Variants in COLGALT2 observed in about 807,000 individuals in gnomAD.
The protein encoded by COLGALT2 is collagen beta(1-O)galactosyltransferase 2.
A neutral mutation model predicts 73.4 loss-of-function variants in COLGALT2; 49 were observed. That is an observed-to-expected ratio of 0.67 (90% CI 0.53 to 0.85). The LOEUF is 0.85. Ranked by LOEUF, COLGALT2 falls within the 40% of genes least tolerant of loss-of-function variation. The pLI, the probability that COLGALT2 is intolerant of heterozygous loss-of-function variation, is 0.00. For synonymous variants in COLGALT2, 295 were observed against 307.6 expected, an observed-to-expected ratio of 0.96 and a Z score of 0.43; for missense variants, 722 against 790.2, an observed-to-expected ratio of 0.91 and a Z score of 1.03.
Position 184,021,758 on chromosome 1 carries a change from G to T in COLGALT2, c.263+15337C>A, listed in dbSNP as rs559552833. On this transcript the variant is annotated intron_variant, in intron 1 of 11. Coordinates refer to ENST00000361927, the MANE Select transcript of COLGALT2 (RefSeq NM_015101.4). ...ACTATGTATTTAATAACAAGTTACT[G>T]GTTTTGTTTTACTATCTATTTAGTT... is the stretch of plus-strand genomic sequence containing the variant. Among the ~76,000 whole-genome samples, 3 of 152,292 alleles carry T rather than the reference G, an allele frequency of 2.0e-5. No homozygotes were observed. In the South Asian group the frequency reaches 6.2e-4, roughly 32 times the overall value.
rs1006513124 is a variant in COLGALT2 at position 183,936,016 on chromosome 1, T to G, written c.*2745A>C. The G allele has an allele frequency of 8.1e-6, 8 of 985,328 alleles. No individual in the cohort carries two copies. In the South Asian group the frequency reaches 1.9e-4, roughly 23 times the overall value. The allele number at this position is 985,328 out of a possible 1,614,324, so 61.0% of individuals were successfully genotyped here. ...CCGCAAGCGGGGCCCATGCAGCGTG[T>G]CCTCTGCAAAGTGCAGGTGTTCAGT... On this transcript the variant is annotated 3_prime_UTR_variant, in exon 12 of 12. Coordinates refer to ENST00000361927, the MANE Select transcript of COLGALT2 (RefSeq NM_015101.4).
At position 183,978,468 on chromosome 1, in the gene COLGALT2, A is replaced by G. The variant is rs780791595; in HGVS notation, c.316T>C (p.Leu106=). Residue 106 remains leucine (L), a synonymous_variant, in exon 2 of 12, where the codon TTG becomes CTG. Transcript: ENST00000361927. ...DNTTEIFREW[L]KNVQRLYHYV... ...TGATAGAGTCTCTGTACATTTTTCA[A>G]CCACTCCCTGAATATTTCTGTTGTA... The G allele has an allele frequency of 6.8e-6, 11 of 1,612,916 alleles. No individual in the cohort carries two copies. In the South Asian group the frequency reaches 8.8e-5, roughly 13 times the overall value.
At chr1:183,972,252 T>G (rs1158622396) in intron 4 of COLGALT2, among the ~76,000 whole-genome samples, 2 of 152,170 alleles carry the variant, frequency 1.3e-5, no homozygotes, top group African/African-American at 2.4e-5. Flanking sequence ...ACTATAGGTG[T>G]GCACGACACC....
intron 4 of COLGALT2, among the ~76,000 whole-genome samples, chr1:183,970,546 A>G (rs776123381): frequency 6.6e-6 from 1 of 152,194 alleles, no homozygotes; most frequent in African/African-American, 2.4e-5. Context: ...AGAGTGTCCT[A>G]GCTGAGCTAA....
chr1:184,029,217 T>G (rs1348654876), intron 1 of COLGALT2, among the ~76,000 whole-genome samples: 2 of 152,260 alleles, frequency 1.3e-5, no homozygotes, highest in Admixed American at 1.3e-4. Context: ...GACTTTTCAA[T>G]TATTACCTAT....
At position 183,944,315 on chromosome 1, in the gene COLGALT2, A is replaced by T. The variant is rs539879163; in HGVS notation, c.1278T>A (p.Asp426Glu). 33 of 1,612,444 alleles carry T rather than the reference A, an allele frequency of 2.0e-5. No homozygotes were observed. In the South Asian group the frequency reaches 2.3e-4, roughly 11 times the overall value. The part of the protein sequence containing the change: ...SHYSVWKEVI[D>E]RELEKTLVIE... Reference sequence around the variant, plus strand: ...TTACAAGAGTCTTCTCTAGCTCTCGATCAATTACCTGCAAAAGTCATCAGT... The same window carrying T: ...TTACAAGAGTCTTCTCTAGCTCTCGTTCAATTACCTGCAAAAGTCATCAGT... The change falls in exon 10 of 12, where the codon GAT becomes GAA. Residue 426 changes from aspartate to glutamate, a missense_variant. Coordinates refer to ENST00000361927, the MANE Select transcript of COLGALT2 (RefSeq NM_015101.4).
intron 7 of COLGALT2, 49 bp from the exon 8 acceptor site, chr1:183,951,162 C>G (rs760276934): frequency 3.0e-6 from 4 of 1,336,458 alleles, no homozygotes; most frequent in Non-Finnish European, 3.2e-6. Flanking sequence ...CTCAAGTCTT[C>G]TTTTAGGCTG....
intron 8 of COLGALT2, among the ~76,000 whole-genome samples, chr1:183,949,133 TATTGTTAACAC>T (rs1393883585): frequency 6.6e-6 from 1 of 152,214 alleles, no homozygotes; most frequent in East Asian, 1.9e-4. Flanking sequence ...GAAGACTTCA[TATTGTTAACAC>T]GGAAATATTC....
intron 1 of COLGALT2, among the ~76,000 whole-genome samples, chr1:184,026,115 T>G (rs1015614976): frequency 1.3e-5 from 2 of 152,226 alleles, no homozygotes; most frequent in African/African-American, 4.8e-5. Flanking sequence ...CAGCCTAGCA[T>G]GAGCAATGCT....
chr1:183,989,342 A>G (rs1238937512), intron 1 of COLGALT2, among the ~76,000 whole-genome samples: 4 of 152,244 alleles, frequency 2.6e-5, no homozygotes, highest in African/African-American at 9.6e-5. Context: ...GGTGCCTGGC[A>G]GGGCAATGCT....
intron 2 of COLGALT2, among the ~76,000 whole-genome samples, chr1:183,976,120 T>TC (rs1411082595): frequency 6.6e-6 from 1 of 152,160 alleles, no homozygotes; most frequent in African/African-American, 2.4e-5. Flanking sequence ...TAATATTTTT[T>TC]CACACTGACC....
At position 184,037,261 on chromosome 1, in the gene COLGALT2, G is replaced by C; in HGVS notation, c.97C>G (p.Arg33Gly). 11 of 1,567,358 alleles carry C rather than the reference G, an allele frequency of 7.0e-6. No individual in the cohort carries two copies. The highest frequency in any genetic ancestry group is 9.5e-6 in the Non-Finnish European group (11 of 1,158,640). Residue 33 changes from arginine to glycine, a missense_variant, in exon 1 of 12, where the codon CGG becomes GGG. Coordinates refer to ENST00000361927, the MANE Select transcript of COLGALT2 (RefSeq NM_015101.4). Reference protein sequence around the residue: ...EGCRARFVAERDSEDDGEEPV... With the variant: ...EGCRARFVAEGDSEDDGEEPV... ...TCCTCTCCGTCGTCCTCCGAGTCCC[G>C]CTCGGCGACGAAGCGCGCTCGGCAG...
chr1:183,998,825 T>C (rs1282225274), intron 1 of COLGALT2, among the ~76,000 whole-genome samples: 1 of 152,090 alleles, frequency 6.6e-6, no homozygotes, highest in Non-Finnish European at 1.5e-5. Context: ...GTTTCTACTA[T>C]AAATAATATT....
At chr1:183,942,826 G>A (rs1053403518) in intron 10 of COLGALT2, among the ~76,000 whole-genome samples, 1 of 152,152 alleles carries the variant, frequency 6.6e-6, no homozygotes, top group African/African-American at 2.4e-5. Flanking sequence ...CTTCCTTCTT[G>A]CATCTGTCGG....
intron 6 of COLGALT2, among the ~76,000 whole-genome samples, chr1:183,955,530 TG>T (rs1670529498): frequency 6.6e-6 from 1 of 152,118 alleles, no homozygotes; most frequent in Non-Finnish European, 1.5e-5. Context: ...AGATTCCAGC[TG>T]GGAGTGACAC....
At chr1:184,023,719 A>G (rs1013526071) in intron 1 of COLGALT2, among the ~76,000 whole-genome samples, 3 of 152,118 alleles carry the variant, frequency 2.0e-5, no homozygotes, top group Non-Finnish European at 4.4e-5. Flanking sequence ...ATAAAATTAA[A>G]TCTAACCAAA....
chr1:183,969,179 G>GGT, intron 5 of COLGALT2, 90 bp downstream of exon 5: 4 of 1,029,562 alleles, frequency 3.9e-6, no homozygotes, highest in East Asian at 5.8e-5. Context: ...ACATATGAGG[G>GGT]TTTTTTTTTT....
In COLGALT2 at chr1:184,037,086, C is replaced by G. The variant is rs760901980; in HGVS notation, c.263+9G>C. ...CCGCCGCGGCGGCCCGGGGCCCGTG[C>G]GCGCTCACCAGATGGCCATCCTGCT... is the stretch of plus-strand genomic sequence containing the variant. On this transcript the variant is annotated intron_variant, in intron 1 of 11. Transcript: ENST00000361927. 1.3e-6 allele frequency: 2 copies of G among 1,551,986 alleles called. No homozygotes were observed. The highest frequency in any genetic ancestry group is 2.8e-5 in the African/African-American group (2 of 70,298).
chr1:184,018,652 C>A (rs921359914), intron 1 of COLGALT2, among the ~76,000 whole-genome samples: 1 of 152,034 alleles, frequency 6.6e-6, no homozygotes, highest in Admixed American at 6.6e-5. Flanking sequence ...CCTTGAAAAT[C>A]TAAATATTTA....
Sources: allele counts gnomAD v4.1 joint callset (sites outside exome capture counted in the v4.1 genomes callset), GRCh38; gene constraint gnomAD v4.1.1; transcripts MANE v1.5; gene names NCBI Gene and HGNC (gene_info 2026-07-23, HGNC 2026-07-21).